CLYBL: variants seen among roughly 807,000 people sequenced by gnomAD.
CLYBL encodes citramalyl-CoA lyase.
A neutral mutation model predicts 38.9 loss-of-function variants in CLYBL; 31 were observed. That is an observed-to-expected ratio of 0.80 (90% confidence interval 0.60 to 1.08). The LOEUF is 1.08. CLYBL is among the 50% of genes least tolerant of loss of function. The pLI is 0.00. For missense variants in CLYBL, 434 were observed against 411.6 expected (o/e 1.05, Z -0.47); for synonymous variants, 171 against 158.6 (o/e 1.08, Z -0.59).
rs4001024 is a variant in CLYBL at position 99,716,169 on chromosome 13, A to ATTTTTTTTTTTTTTTTTTTTTTT, written c.63-56639_63-56617dup. ...AAATTGTCCTTGCTTTATTGGTGTA[A>ATTTTTTTTTTTTTTTTTTTTTTT]TTTTTTTTTTTTTTTTTTTTTTTTT... On this transcript the variant is annotated intron_variant, in intron 1 of 8. Transcript: ENST00000339105. 1.5e-4 allele frequency among the ~76,000 whole-genome samples: 5 copies of ATTTTTTTTTTTTTTTTTTTTTTT among 33,464 alleles called. 1 individual carries two copies. Among genetic ancestry groups the ATTTTTTTTTTTTTTTTTTTTTTT allele is most frequent in the Non-Finnish European group, 2.4e-4 (4 of 16,382 alleles). 22.0% of individuals were successfully genotyped at this position (33,464 alleles called of 152,430 possible). A position where few individuals can be genotyped will look rare whatever the true frequency, so the allele number is the denominator to read the frequency against.
At chr13:99,804,604 C>A (rs725834) in intron 2 of CLYBL, among the ~76,000 whole-genome samples, 56,880 of 151,904 alleles carry the variant, frequency 0.37, 11,044 homozygotes, top group Middle Eastern at 0.43. Flanking sequence ...GTCTCGCCTG[C>A]CTTTATACCT....
At chr13:99,754,857 G>T (rs2049030676) in intron 1 of CLYBL, among the ~76,000 whole-genome samples, 1 of 149,496 alleles carries the variant, frequency 6.7e-6, no homozygotes, top group Admixed American at 6.8e-5. Flanking sequence ...CTTCCAAAGT[G>T]CTGGAATTAC....
intron 7 of CLYBL, among the ~76,000 whole-genome samples, chr13:99,882,914 T>C (rs2052249011): frequency 6.6e-6 from 1 of 152,008 alleles, no homozygotes; most frequent in Non-Finnish European, 1.5e-5. Context: ...CCCAGAAAGC[T>C]GTGCCAGACA....
At chr13:99,866,138 A>T in intron 5 of CLYBL, 102 bp from the exon 6 acceptor site, 1 of 1,151,806 alleles carries the variant, frequency 8.7e-7, no homozygotes, top group Non-Finnish European at 1.3e-6. Flanking sequence ...AGCAATTTCC[A>T]GGGAGGTTTA....
At chr13:99,689,240 C>A in intron 1 of CLYBL, among the ~76,000 whole-genome samples, 1 of 152,208 alleles carries the variant, frequency 6.6e-6, no homozygotes, top group East Asian at 1.9e-4. Flanking sequence ...CTTCAGGATT[C>A]CAGAAGCATA....
intron 1 of CLYBL, among the ~76,000 whole-genome samples, chr13:99,633,773 A>ATT (rs1344720727): frequency 1.3e-5 from 2 of 152,172 alleles, no homozygotes; most frequent in Admixed American, 1.3e-4. Flanking sequence ...CTAAATAGAA[A>ATT]TTTTTACCAG....
intron 1 of CLYBL, among the ~76,000 whole-genome samples, chr13:99,712,912 G>A (rs1340144770): frequency 6.6e-6 from 1 of 151,928 alleles, no homozygotes; most frequent in African/African-American, 2.4e-5. Context: ...TTCTTTCTTG[G>A]CTTATTTCCT....
chr13:99,856,734 G>A (rs981728560), intron 2 of CLYBL, among the ~76,000 whole-genome samples: 12 of 152,014 alleles, frequency 7.9e-5, no homozygotes, highest in Non-Finnish European at 1.8e-4. Flanking sequence ...TACCTCCTGG[G>A]TTCAAACGAT....
chr13:99,773,904 T>C (rs2049454597), intron 2 of CLYBL, among the ~76,000 whole-genome samples: 1 of 152,112 alleles, frequency 6.6e-6, no homozygotes, highest in Admixed American at 6.6e-5. Flanking sequence ...TATTTCCTCA[T>C]GGCCTGACCA....
At chr13:99,773,107 C>A in intron 2 of CLYBL, 97 bp downstream of exon 2, 1 of 1,013,102 alleles carries the variant, frequency 9.9e-7, no homozygotes, top group Non-Finnish European at 1.5e-6. Context: ...GATTCTACCA[C>A]ACTCATCTTT....
At chr13:99,678,333 C>G (rs1430666135) in intron 1 of CLYBL, among the ~76,000 whole-genome samples, 1 of 152,144 alleles carries the variant, frequency 6.6e-6, no homozygotes, top group African/African-American at 2.4e-5. Flanking sequence ...ATTGTGGAAG[C>G]CTTGATTCAC....
At chr13:99,771,665 G>C (rs2049398416) in intron 1 of CLYBL, among the ~76,000 whole-genome samples, 1 of 152,120 alleles carries the variant, frequency 6.6e-6, no homozygotes, top group Non-Finnish European at 1.5e-5. Flanking sequence ...AGGAGCTTCT[G>C]GCCAACACTT....
chr13:99,829,607 G>A (rs1258188457), intron 2 of CLYBL, among the ~76,000 whole-genome samples: 1 of 152,180 alleles, frequency 6.6e-6, no homozygotes, highest in Non-Finnish European at 1.5e-5. Context: ...AAGGAAGTGA[G>A]GAGAATTATT....
At chr13:99,894,951 AGT>A (rs1422449619), downstream of CLYBL, 1 of 152,188 alleles carries the variant, frequency 6.6e-6, no homozygotes, top group Non-Finnish European at 1.5e-5. Context: ...CTGATGTCCC[AGT>A]GTTAGTCCTC....
chr13:99,678,777 C>T (rs1026213920), intron 1 of CLYBL, among the ~76,000 whole-genome samples: 7 of 151,882 alleles, frequency 4.6e-5, no homozygotes, highest in Non-Finnish European at 7.4e-5. Flanking sequence ...GCAGAAAGAG[C>T]GTGAAATATT....
downstream of CLYBL, chr13:99,893,577 A>T (rs530725922): frequency 1.3e-5 from 2 of 152,408 alleles, no homozygotes; most frequent in Non-Finnish European, 2.9e-5. Flanking sequence ...CCTCACCCCA[A>T]TCTAACTAAC....
intron 1 of CLYBL, among the ~76,000 whole-genome samples, chr13:99,732,305 C>T (rs1211829911): frequency 6.6e-6 from 1 of 151,560 alleles, no homozygotes; most frequent in African/African-American, 2.4e-5. Context: ...TCCACCTCAG[C>T]GTCCCCCACC....
At chr13:99,888,580 T>A (rs529069867) in intron 7 of CLYBL, among the ~76,000 whole-genome samples, 1 of 151,964 alleles carries the variant, frequency 6.6e-6, no homozygotes, top group South Asian at 2.1e-4. Flanking sequence ...TGAAACCCAG[T>A]CTCTACTAAA....
intron 2 of CLYBL, among the ~76,000 whole-genome samples, chr13:99,805,762 G>A (rs1293012589): frequency 1.3e-5 from 2 of 152,102 alleles, no homozygotes; most frequent in African/African-American, 2.4e-5. Context: ...AAGCAATGAA[G>A]AATATCTTTA....
Sources: gnomAD v4.1 joint callset for allele counts (sites outside exome capture counted in the v4.1 genomes callset) on GRCh38, gnomAD v4.1.1 for gene constraint, MANE v1.5 for transcripts, NCBI Gene and HGNC (gene_info 2026-07-23, HGNC 2026-07-21) for gene names.